TNFRSF19: variants seen among roughly 807,000 people sequenced by gnomAD.
The protein encoded by TNFRSF19 is tumor necrosis factor receptor superfamily member 19.
TNFRSF19 carries 27 observed loss-of-function variants against 46.4 expected under a neutral mutation model. That is an observed-to-expected ratio of 0.58 (90% CI 0.43 to 0.80). The LOEUF (loss-of-function observed/expected upper bound fraction) is 0.80, where lower values mean the gene tolerates loss of function less well. Ranked by LOEUF, TNFRSF19 falls within the 30% of genes least tolerant of loss-of-function variation. The pLI is 0.00. For synonymous variants in TNFRSF19, 204 were observed against 205.0 expected, an observed-to-expected ratio of 1.00 and a Z score of 0.04; for missense variants, 511 against 530.8, an observed-to-expected ratio of 0.96 and a Z score of 0.37.
chr13:23,576,129 C>T (rs942817254), intron 1 of TNFRSF19, among the ~76,000 whole-genome samples: 1 of 151,392 alleles, frequency 6.6e-6, no homozygotes, highest in Non-Finnish European at 1.5e-5. Context: ...CTAAGGATCA[C>T]AGAATTCTTT....
At chr13:23,645,606 C>CT (rs1883286071) in intron 5 of TNFRSF19, among the ~76,000 whole-genome samples, 1 of 152,142 alleles carries the variant, frequency 6.6e-6, no homozygotes, top group Admixed American at 6.5e-5. Context: ...TTGTTTTCCC[C>CT]TTATCTCAGA....
chr13:23,599,833 C>G (rs560768836), intron 3 of TNFRSF19, among the ~76,000 whole-genome samples: 56 of 151,880 alleles, frequency 3.7e-4, no homozygotes, highest in Non-Finnish European at 1.3e-4. Flanking sequence ...GTCTGGCGCC[C>G]CCTTTCCATC....
chr13:23,617,483 T>G (rs1052331087), intron 4 of TNFRSF19, among the ~76,000 whole-genome samples: 11 of 152,144 alleles, frequency 7.2e-5, no homozygotes, highest in African/African-American at 2.7e-4. Flanking sequence ...GGGGGTGATC[T>G]GTAAGGCAGG....
At chr13:23,636,452 C>T (rs756641147) in intron 5 of TNFRSF19, among the ~76,000 whole-genome samples, 1 of 152,116 alleles carries the variant, frequency 6.6e-6, no homozygotes, top group Non-Finnish European at 1.5e-5. Flanking sequence ...GAATGATCTC[C>T]TCGTCTTCTC....
intron 3 of TNFRSF19, among the ~76,000 whole-genome samples, chr13:23,603,360 C>T (rs1383791340): frequency 6.6e-6 from 1 of 151,892 alleles, no homozygotes; most frequent in Admixed American, 6.6e-5. Context: ...CAGAGAGCAC[C>T]AAGTTAAAGT....
intron 3 of TNFRSF19, among the ~76,000 whole-genome samples, chr13:23,605,976 A>G (rs988337642): frequency 6.6e-6 from 1 of 152,162 alleles, no homozygotes; most frequent in Non-Finnish European, 1.5e-5. Context: ...TGATGTGTTC[A>G]TAGATTGTAA....
chr13:23,614,459 T>C (rs949108924), intron 3 of TNFRSF19, among the ~76,000 whole-genome samples: 1 of 152,116 alleles, frequency 6.6e-6, no homozygotes, highest in African/African-American at 2.4e-5. Context: ...ATATGTAAAT[T>C]TTACAGAAAA....
At chr13:23,603,728 C>T (rs1382138136) in intron 3 of TNFRSF19, among the ~76,000 whole-genome samples, 1 of 151,812 alleles carries the variant, frequency 6.6e-6, no homozygotes, top group Non-Finnish European at 1.5e-5. Context: ...TCACATATAG[C>T]AGTAAGTGCA....
chr13:23,586,257 CA>C (rs34228080), intron 1 of TNFRSF19, among the ~76,000 whole-genome samples: 19,087 of 91,326 alleles, frequency 0.21, 791 homozygotes, highest in South Asian at 0.29. Context: ...GACTCCGTCT[CA>C]AAAAAAAAAA....
At chr13:23,638,297 A>C (rs1221301823) in intron 5 of TNFRSF19, among the ~76,000 whole-genome samples, 1 of 152,200 alleles carries the variant, frequency 6.6e-6, no homozygotes, top group Admixed American at 6.5e-5. Flanking sequence ...TTCAATGTTA[A>C]TGATGGTATT....
At position 23,575,884 on chromosome 13, in the gene TNFRSF19, T is replaced by C. The variant is rs1041475211; in HGVS notation, c.-35+5036T>C. On this transcript the variant is annotated intron_variant, in intron 1 of 9. Transcript: ENST00000248484. ...TTTCAAGTTTTCCTTAGTTCAACTT[T>C]TGGGGAAAAATATTTTAAACAAATG... Among the ~76,000 whole-genome samples, 6 of 152,212 alleles carry C rather than the reference T, an allele frequency of 3.9e-5. No homozygotes were observed. The East Asian group carries it at 5.8e-4, about 15-fold the overall frequency.
chr13:23,598,987 G>A (rs1217023125), intron 3 of TNFRSF19, among the ~76,000 whole-genome samples: 1 of 152,178 alleles, frequency 6.6e-6, no homozygotes. Context: ...ATAAACAGCA[G>A]GAAACAAAGA....
rs1012598054 is a variant in TNFRSF19 at position 23,615,783 on chromosome 13, C to T, written c.181-84C>T. The T allele has an allele frequency of 8.7e-6, 12 of 1,374,218 alleles. No individual in the cohort carries two copies. In the African/African-American group the frequency reaches 1.8e-4, roughly 20 times the overall value. 85.1% of individuals were successfully genotyped at this position (1,374,218 alleles called of 1,614,324 possible). On this transcript the variant is annotated intron_variant, in intron 3 of 9. Coordinates refer to ENST00000248484, the MANE Select transcript of TNFRSF19 (RefSeq NM_148957.4). ...GGCCGACACTTGGTAATTATTAGAC[C>T]AGGTCTTCGTTTCATCCTAGCGGTC... is the stretch of plus-strand genomic sequence containing the variant.
At chr13:23,662,092 T>C (rs1884403898) in intron 7 of TNFRSF19, among the ~76,000 whole-genome samples, 1 of 152,220 alleles carries the variant, frequency 6.6e-6, no homozygotes, top group South Asian at 2.1e-4. Flanking sequence ...TTGATGTCTT[T>C]GTCATGAAAT....
At chr13:23,657,786 C>G (rs1353809762) in intron 5 of TNFRSF19, among the ~76,000 whole-genome samples, 1 of 152,104 alleles carries the variant, frequency 6.6e-6, no homozygotes, top group African/African-American at 2.4e-5. Flanking sequence ...TTCATAGGCT[C>G]AAGGGATCCT....
At chr13:23,656,889 G>T (rs1470401737) in intron 5 of TNFRSF19, among the ~76,000 whole-genome samples, 2 of 152,078 alleles carry the variant, frequency 1.3e-5, no homozygotes, top group Admixed American at 6.6e-5. Flanking sequence ...CTGTGCTTGT[G>T]CTCATATGGC....
chr13:23,620,563 C>T (rs1881587090), intron 4 of TNFRSF19, among the ~76,000 whole-genome samples: 1 of 152,198 alleles, frequency 6.6e-6, no homozygotes, highest in South Asian at 2.1e-4. Flanking sequence ...GTAAAATGAC[C>T]ATGCTGTAAG....
chr13:23,597,609 C>T (rs1357958308), intron 3 of TNFRSF19, among the ~76,000 whole-genome samples: 1 of 136,910 alleles, frequency 7.3e-6, no homozygotes, highest in Non-Finnish European at 1.6e-5. Flanking sequence ...TAATTAATAG[C>T]CTACCAACCA....
chr13:23,598,192 A>T lies in TNFRSF19; in HGVS notation c.180+4737A>T, dbSNP rs890276691. ...CCCATTCTCATTGAACAATGAGAAC[A>T]CATGGACACAGGGAGGGGAACATTA... On this transcript the variant is annotated intron_variant, in intron 3 of 9. Coordinates refer to ENST00000248484, the MANE Select transcript of TNFRSF19 (RefSeq NM_148957.4). Among the ~76,000 whole-genome samples, 3 of 152,180 alleles carry T rather than the reference A, an allele frequency of 2.0e-5. No homozygotes were observed. In the East Asian group the frequency reaches 5.8e-4, roughly 29 times the overall value.
Sources: gnomAD v4.1 joint callset for allele counts (sites outside exome capture counted in the v4.1 genomes callset) on GRCh38, gnomAD v4.1.1 for gene constraint, MANE v1.5 for transcripts, NCBI Gene and HGNC (gene_info 2026-07-23, HGNC 2026-07-21) for gene names.